BAHCC1: variants seen among roughly 807,000 people sequenced by gnomAD.
BAHCC1 encodes BAH and coiled-coil domain-containing protein 1.
A neutral mutation model predicts 88.2 loss-of-function variants in BAHCC1; 43 were observed. The ratio of observed to expected loss-of-function variants is 0.49; its 90% CI spans 0.38 to 0.63. BAHCC1 has a LOEUF of 0.63. BAHCC1 is among the 20% of genes least tolerant of loss of function. The pLI, the probability that BAHCC1 is intolerant of heterozygous loss-of-function variation, is 0.00. For synonymous variants in BAHCC1, 1,510 were observed against 745.5 expected (o/e 2.03, Z -16.71); for missense variants, 3,023 against 1,654.8 (o/e 1.83, Z -14.34).
In BAHCC1 at chr17:81,456,411, A is replaced by G. The variant is rs2064750436; in HGVS notation, c.4684A>G (p.Ser1562Gly). The change falls in exon 16 of 28, where the codon AGC becomes GGC. Residue 1562 changes from serine (S) to glycine (G), a missense_variant. Physicochemically the swap from Ser to Gly is moderately conservative, Grantham distance 56. Transcript: ENST00000675386. ...GAGCAAAGGGCTGCCCACAGGCCTCAGCTCTTTCCAGCAGAAGGAGGCTAC... is the reference window on the plus strand; with the variant it reads ...GAGCAAAGGGCTGCCCACAGGCCTCGGCTCTTTCCAGCAGAAGGAGGCTAC... The part of the protein sequence containing the change: ...VKSKGLPTGL[S>G]SFQQKEATPG... The G allele has an allele frequency of 2.8e-6, 2 of 721,962 alleles. No individual in the cohort carries two copies. Among genetic ancestry groups the G allele is most frequent in the South Asian group, 1.5e-5 (1 of 67,836 alleles). 44.7% of individuals were successfully genotyped at this position (721,962 alleles called of 1,614,324 possible). A position where few individuals can be genotyped will look rare whatever the true frequency, so the allele number is the denominator to read the frequency against.
chr17:81,433,538 A>G (rs2064295060), intron 3 of BAHCC1, among the ~76,000 whole-genome samples: 1 of 138,806 alleles, frequency 7.2e-6, no homozygotes, highest in East Asian at 2.2e-4. Flanking sequence ...AGGTGTCATC[A>G]GTCCACCGAG....
Position 81,459,348 on chromosome 17 carries a change from G to A in BAHCC1, c.5796+20G>A, listed in dbSNP as rs550164238. ...GAAGCGGTGAGGACCGGGCCGGCCC[G>A]CCCCGGGGAGGGGCCTGGCTGGCTT... On this transcript the variant is annotated intron_variant, in intron 22 of 27. Transcript: ENST00000675386. 1.0e-4 allele frequency: 80 copies of A among 774,140 alleles called. No homozygotes were observed. The Admixed American group carries it at 1.2e-3, about 12-fold the overall frequency. 48.0% of individuals were successfully genotyped at this position (774,140 alleles called of 1,614,324 possible). A position where few individuals can be genotyped will look rare whatever the true frequency, so the allele number is the denominator to read the frequency against.
chr17:81,443,232 A>G lies in BAHCC1; in HGVS notation c.1883A>G (p.Asp628Gly), dbSNP rs782655625. The G allele has an allele frequency of 2.7e-5, 21 of 779,330 alleles. No individual in the cohort carries two copies. The East Asian group carries it at 4.8e-4, about 18-fold the overall frequency. The allele number at this position is 779,330 out of a possible 1,614,324, so 48.3% of individuals were successfully genotyped here. Residue 628 changes from aspartate (D) to glycine (G), a missense_variant, in exon 5 of 28, where the codon GAC (aspartate) becomes GGC (glycine). Transcript: ENST00000675386. ...LLPQELPAPP[D>G]EVSAMKNLLK... ...CCCCAGGAACTGCCTGCGCCGCCGG[A>G]CGAGGTCTCAGCCATGAAGAACCTG...
At position 81,399,803 on chromosome 17, in the gene BAHCC1, C is replaced by T. The variant is rs1555645692; in HGVS notation, c.64C>T (p.Arg22Cys). Residue 22 changes from arginine to cysteine, a missense_variant, in exon 2 of 28, where the codon CGC becomes TGC. Arg to Cys is a radical substitution (Grantham distance 180). Transcript: ENST00000675386. This position sits in a 1 kb window ranked among gnomAD's most constrained non-coding sequence, Gnocchi z 4.5. The stretch of plus-strand genomic sequence containing the variant: ...GTCGGAGCGCGGGAGCCTGGGCCAC[C>T]GCAGCGCCGCTGCCGCCGCGCGTCT... ...LLSERGSLGH[R>C]SAAAAARLAP... 9 of 1,305,070 alleles carry T rather than the reference C, an allele frequency of 6.9e-6. No homozygotes were observed. The highest frequency in any genetic ancestry group is 8.7e-6 in the Non-Finnish European group (9 of 1,028,844). The allele number at this position is 1,305,070 out of a possible 1,614,324, so 80.8% of individuals were successfully genotyped here.
intron 8 of BAHCC1, 60 bp downstream of exon 8, chr17:81,444,886 C>CG: frequency 1.4e-6 from 1 of 721,076 alleles, no homozygotes; most frequent in Non-Finnish European, 2.5e-6. Flanking sequence ...GAGGGGCAGC[C>CG]GGGGGTGTGC....
chr17:81,447,859 T>C lies in BAHCC1; in HGVS notation c.3976+11T>C. 1 of 721,596 alleles carries C rather than the reference T, an allele frequency of 1.4e-6. No homozygotes were observed. Among genetic ancestry groups the C allele is most frequent in the Non-Finnish European group, 2.6e-6 (1 of 388,172 alleles). The allele number at this position is 721,596 out of a possible 1,614,324, so 44.7% of individuals were successfully genotyped here. A position where few individuals can be genotyped will look rare whatever the true frequency, so the allele number is the denominator to read the frequency against. On this transcript the variant is annotated intron_variant, in intron 11 of 27. Coordinates refer to ENST00000675386, the MANE Select transcript of BAHCC1 (RefSeq NM_001377448.1). ...AGAGGACTGTGCCAGGTAAGCCCGG[T>C]GGTTGCCGCCACCCCCCAGAGTCCC...
At chr17:81,406,747 T>C (rs1531554) in intron 2 of BAHCC1, among the ~76,000 whole-genome samples, 78,576 of 152,118 alleles carry the variant, frequency 0.52, 20,628 homozygotes, top group East Asian at 0.68. Context: ...GCGCTAGGTG[T>C]GCGCTGAGGG....
rs2291018 is a variant in BAHCC1 at position 81,465,176 on chromosome 17, T to C, written c.*1359T>C. ...GCCCTGCCCTTGGGGAAGGCCCCTT[T>C]CTGGGCCCCCTTTTCCACCAGCCAA... On this transcript the variant is annotated 3_prime_UTR_variant, in exon 28 of 28. Coordinates refer to ENST00000675386, the MANE Select transcript of BAHCC1 (RefSeq NM_001377448.1). The C allele has an allele frequency of 0.59, 89,641 of 152,182 alleles. 27,406 individuals are homozygous for C. Among genetic ancestry groups the C allele is most frequent in the Non-Finnish European group, 0.65 (43,973 of 68,026 alleles). 9.4% of individuals were successfully genotyped at this position (152,182 alleles called of 1,614,324 possible).
chr17:81,427,273 T>C (rs888095659), intron 3 of BAHCC1, among the ~76,000 whole-genome samples: 10 of 151,932 alleles, frequency 6.6e-5, no homozygotes, highest in East Asian at 3.9e-4. Flanking sequence ...GCTGAGAAAA[T>C]GTGGAGCACA....
intron 2 of BAHCC1, among the ~76,000 whole-genome samples, chr17:81,405,634 A>G (rs1742099740): frequency 6.6e-6 from 1 of 152,180 alleles, no homozygotes; most frequent in Admixed American, 6.5e-5. Context: ...AAGCACAGAT[A>G]GAGTTCAGCC....
chr17:81,430,228 C>G (rs2064245243), intron 3 of BAHCC1, among the ~76,000 whole-genome samples: 1 of 152,108 alleles, frequency 6.6e-6, no homozygotes, highest in Admixed American at 6.5e-5. Flanking sequence ...CCGCGCCCCC[C>G]AGCTGCCTGG....
intron 15 of BAHCC1, among the ~76,000 whole-genome samples, chr17:81,455,664 ACT>A (rs2064735385): frequency 6.6e-6 from 1 of 152,042 alleles, no homozygotes; most frequent in South Asian, 2.1e-4. Context: ...CCCAGGCTAC[ACT>A]CTGCTCACAG....
At chr17:81,453,187 C>G (rs1177518177) in intron 14 of BAHCC1, among the ~76,000 whole-genome samples, 1 of 152,224 alleles carries the variant, frequency 6.6e-6, no homozygotes, top group Non-Finnish European at 1.5e-5. Context: ...GGCGGTGTTG[C>G]GTGCAGGCCT....
intron 2 of BAHCC1, among the ~76,000 whole-genome samples, chr17:81,403,408 C>T (rs1264741648): frequency 2.6e-5 from 4 of 151,668 alleles, no homozygotes; most frequent in Admixed American, 6.6e-5. Flanking sequence ...GGGAGAAAGG[C>T]GAAGGCTCCT....
Position 81,454,983 on chromosome 17 carries a change from C to T in BAHCC1, c.4446-284C>T, listed in dbSNP as rs146183396. On this transcript the variant is annotated intron_variant, in intron 14 of 27. Coordinates refer to ENST00000675386, the MANE Select transcript of BAHCC1 (RefSeq NM_001377448.1). Reference sequence around the variant, plus strand: ...TGGGATTTGGGTAACAGAAGCGTGCCCACTTCCAGTATAGCCAAGTGGGGG... The same window carrying T: ...TGGGATTTGGGTAACAGAAGCGTGCTCACTTCCAGTATAGCCAAGTGGGGG... Among the ~76,000 whole-genome samples the T allele has an allele frequency of 7.3e-3, 1,119 of 152,328 alleles. 20 individuals carry two copies. The highest frequency in any genetic ancestry group is 0.025 in the African/African-American group (1,054 of 41,564).
At chr17:81,456,652 G>A in intron 16 of BAHCC1, 67 bp downstream of exon 16, 1 of 653,250 alleles carries the variant, frequency 1.5e-6, no homozygotes, top group Non-Finnish European at 2.8e-6. Context: ...GCTGGAGGAG[G>A]GGGCGGCAGG....
At chr17:81,400,740 TC>T (rs2063805721) in intron 2 of BAHCC1, 1 of 153,546 alleles carries the variant, frequency 6.5e-6, no homozygotes, top group Admixed American at 6.5e-5. Context: ...TCTCGGGCGG[TC>T]CCCTCTGACT....
At chr17:81,454,538 G>C (rs1303983801) in intron 14 of BAHCC1, among the ~76,000 whole-genome samples, 2 of 148,064 alleles carry the variant, frequency 1.4e-5, no homozygotes, top group Non-Finnish European at 3.0e-5. Flanking sequence ...TCTGGACACC[G>C]CCCCCACCCC....
intron 2 of BAHCC1, among the ~76,000 whole-genome samples, chr17:81,406,456 G>A (rs554623808): frequency 6.6e-6 from 1 of 152,276 alleles, no homozygotes; most frequent in Non-Finnish European, 1.5e-5. Context: ...CCTCACCGAA[G>A]ACACAGTGTA....
Sources: gnomAD v4.1 joint callset for allele counts (sites outside exome capture counted in the v4.1 genomes callset) on GRCh38, gnomAD v4.1.1 for gene constraint, Gnocchi (gnomAD v3.1) non-coding constraint, MANE v1.5 for transcripts, NCBI Gene and HGNC (gene_info 2026-07-23, HGNC 2026-07-21) for gene names.